Variants in PUM2 observed in about 807,000 individuals in gnomAD.
PUM2 encodes the protein pumilio homolog 2.
A neutral mutation model predicts 124.5 loss-of-function variants in PUM2; 57 were observed. The observed-to-expected ratio is 0.46, with a 90% CI of 0.37 to 0.57. PUM2 has a LOEUF of 0.57. PUM2 is among the 20% of genes least tolerant of loss of function. The pLI is 0.00. For missense variants in PUM2, 1,065 were observed against 1,290.6 expected (o/e 0.83, Z 2.68); for synonymous variants, 460 against 446.1 (o/e 1.03, Z -0.39).
At chr2:20,337,232 C>A (rs1462018514) in intron 1 of PUM2, among the ~76,000 whole-genome samples, 1 of 151,498 alleles carries the variant, frequency 6.6e-6, no homozygotes, top group African/African-American at 2.4e-5. Flanking sequence ...TGAGAAAAAT[C>A]AGGGAAACTC....
At chr2:20,271,233 T>C (rs1237691313) in intron 13 of PUM2, among the ~76,000 whole-genome samples, 1 of 152,202 alleles carries the variant, frequency 6.6e-6, no homozygotes, top group Non-Finnish European at 1.5e-5. Flanking sequence ...AAAATAGCAA[T>C]TACTTTCAGT....
At chr2:20,286,826 T>G (rs914300193) in intron 10 of PUM2, among the ~76,000 whole-genome samples, 1 of 152,190 alleles carries the variant, frequency 6.6e-6, no homozygotes, top group African/African-American at 2.4e-5. Flanking sequence ...ATCCACAAGT[T>G]TAAATATGCA....
chr2:20,321,620 GA>G (rs1173242359), intron 2 of PUM2, among the ~76,000 whole-genome samples: 1 of 151,710 alleles, frequency 6.6e-6, no homozygotes, highest in African/African-American at 2.4e-5. Flanking sequence ...ATTCAGGATA[GA>G]ACACAGTTAA....
rs1663271525 is a variant in PUM2 at position 20,251,456 on chromosome 2, TA to T, written c.*128del. 1.7e-6 allele frequency: 2 copies of T among 1,179,008 alleles called. No individual in the cohort carries two copies. The highest frequency in any genetic ancestry group is 2.3e-6 in the Non-Finnish European group (2 of 851,366). The allele number at this position is 1,179,008 out of a possible 1,614,324, so 73.0% of individuals were successfully genotyped here. A position where few individuals can be genotyped will look rare whatever the true frequency, so the allele number is the denominator to read the frequency against. On this transcript the variant is annotated 3_prime_UTR_variant, in exon 21 of 21. Coordinates refer to ENST00000361078, the MANE Select transcript of PUM2 (RefSeq NM_015317.5). The stretch of plus-strand genomic sequence containing the variant: ...CTTAAAAAATTTACAAATGGATGAA[TA>T]AAGTCAATAAATAGTTTTGCTTTAA...
intron 14 of PUM2, among the ~76,000 whole-genome samples, chr2:20,262,640 T>G (rs1168475524): frequency 6.6e-6 from 1 of 152,238 alleles, no homozygotes; most frequent in East Asian, 1.9e-4. Flanking sequence ...CTTAAAGCTA[T>G]AAAGAGAGAA....
intron 1 of PUM2, among the ~76,000 whole-genome samples, chr2:20,344,847 G>A (rs1040760189): frequency 6.6e-6 from 1 of 151,644 alleles, no homozygotes; most frequent in Non-Finnish European, 1.5e-5. Flanking sequence ...GCAGGGCTTC[G>A]TGGCGGGCGC....
chr2:20,351,191 T>TG (rs1220191809), upstream of PUM2, among the ~76,000 whole-genome samples: 2 of 152,178 alleles, frequency 1.3e-5, no homozygotes, highest in Admixed American at 6.5e-5. Context: ...CCTACCCGGT[T>TG]GCTCACTGTT....
chr2:20,327,269 A>G lies in PUM2; in HGVS notation c.51+41T>C, dbSNP rs376472517. On this transcript the variant is annotated intron_variant, in intron 2 of 20. Coordinates refer to ENST00000361078, the MANE Select transcript of PUM2 (RefSeq NM_015317.5). Reference sequence around the variant, plus strand: ...AAAAAATAAGTTACAATGGCTCAAAATAAAGTGAGGTGTAAGTTCTTAGTA... The same window carrying G: ...AAAAAATAAGTTACAATGGCTCAAAGTAAAGTGAGGTGTAAGTTCTTAGTA... The G allele has an allele frequency of 4.3e-4, 583 of 1,357,576 alleles. 6 individuals carry two copies. In the South Asian group the frequency reaches 6.9e-3, roughly 16 times the overall value. 84.1% of individuals were successfully genotyped at this position (1,357,576 alleles called of 1,614,324 possible).
chr2:20,301,146 C>T (rs1676877674), intron 7 of PUM2, among the ~76,000 whole-genome samples: 1 of 152,148 alleles, frequency 6.6e-6, no homozygotes. Flanking sequence ...CTAAATTGTG[C>T]CCCAACCACC....
In PUM2 at chr2:20,251,465, T is replaced by A; in HGVS notation, c.*120A>T. 1 of 1,240,118 alleles carries A rather than the reference T, an allele frequency of 8.1e-7. No homozygotes were observed. 76.8% of individuals were successfully genotyped at this position (1,240,118 alleles called of 1,614,324 possible). On this transcript the variant is annotated 3_prime_UTR_variant, in exon 21 of 21. Transcript: ENST00000361078. ...TTTACAAATGGATGAATAAAGTCAATAAATAGTTTTGCTTTAAAAAAAAAT... is the reference window on the plus strand; with the variant it reads ...TTTACAAATGGATGAATAAAGTCAAAAAATAGTTTTGCTTTAAAAAAAAAT...
chr2:20,349,161 CA>C (rs1358028873), intron 1 of PUM2, among the ~76,000 whole-genome samples: 8 of 152,178 alleles, frequency 5.3e-5, no homozygotes, highest in Admixed American at 2.0e-4. Flanking sequence ...TTAAGGAAAG[CA>C]TGTGTTAAAC....
chr2:20,290,130 G>C (rs1673659194), intron 10 of PUM2, among the ~76,000 whole-genome samples: 1 of 152,096 alleles, frequency 6.6e-6, no homozygotes, highest in Non-Finnish European at 1.5e-5. Flanking sequence ...ATTTTATACT[G>C]TAATTTTTTA....
intron 5 of PUM2, among the ~76,000 whole-genome samples, chr2:20,310,308 T>C (rs1679320904): frequency 6.6e-6 from 1 of 152,064 alleles, no homozygotes; most frequent in African/African-American, 2.4e-5. Flanking sequence ...ACATTAATAT[T>C]TCAGGGGAGA....
At chr2:20,274,781 C>A (rs1209952159) in intron 13 of PUM2, among the ~76,000 whole-genome samples, 1 of 151,166 alleles carries the variant, frequency 6.6e-6, no homozygotes, top group Non-Finnish European at 1.5e-5. Context: ...GTAAGTTCCA[C>A]ATCAATCAAA....
intron 2 of PUM2, among the ~76,000 whole-genome samples, chr2:20,326,986 C>A (rs1457831269): frequency 6.6e-6 from 1 of 151,608 alleles, no homozygotes; most frequent in East Asian, 1.9e-4. Flanking sequence ...ACACAGCATA[C>A]ATATATAAAA....
chr2:20,322,916 T>G (rs992330190), intron 2 of PUM2, among the ~76,000 whole-genome samples: 3 of 152,264 alleles, frequency 2.0e-5, no homozygotes, highest in Non-Finnish European at 4.4e-5. Context: ...TTCCAGACTT[T>G]AATCTTTTCT....
At position 20,350,764 on chromosome 2, in the gene PUM2, C is replaced by T; in HGVS notation, c.-186G>A. On this transcript the variant is annotated 5_prime_UTR_variant, in exon 1 of 21. Coordinates refer to ENST00000361078, the MANE Select transcript of PUM2 (RefSeq NM_015317.5). ...CCACCTCCTCCTTCTCCTCCCCCTC[C>T]TCCTCCGAACCACCGAAGTACCGAG... 1 of 981,232 alleles carries T rather than the reference C, an allele frequency of 1.0e-6. No individual in the cohort carries two copies. Among genetic ancestry groups the T allele is most frequent in the Non-Finnish European group, 1.2e-6 (1 of 827,714 alleles). The allele number at this position is 981,232 out of a possible 1,614,324, so 60.8% of individuals were successfully genotyped here. A position where few individuals can be genotyped will look rare whatever the true frequency, so the allele number is the denominator to read the frequency against.
At chr2:20,308,208 T>C (rs1396031684) in intron 6 of PUM2, 106 bp downstream of exon 6, 1 of 1,476,670 alleles carries the variant, frequency 6.8e-7, no homozygotes, top group Non-Finnish European at 9.1e-7. Flanking sequence ...CAATAAAACA[T>C]TTAGTACTCA....
chr2:20,298,259 G>A (rs1486791719), intron 7 of PUM2, among the ~76,000 whole-genome samples: 1 of 152,186 alleles, frequency 6.6e-6, no homozygotes, highest in Non-Finnish European at 1.5e-5. Context: ...ATGAGGTATA[G>A]TGTAAGATAA....
Sources: allele counts gnomAD v4.1 joint callset (sites outside exome capture counted in the v4.1 genomes callset), GRCh38; gene constraint gnomAD v4.1.1; transcripts MANE v1.5; gene names NCBI Gene and HGNC (gene_info 2026-07-23, HGNC 2026-07-21).